Variants in CPVL observed in about 807,000 individuals in gnomAD.
The protein encoded by CPVL is probable serine carboxypeptidase CPVL.
In CPVL, 51 loss-of-function variants were observed where a neutral mutation model predicts 63.7. The observed-to-expected ratio is 0.80, with a 90% CI of 0.64 to 1.01. CPVL has a LOEUF of 1.01. Ranked by LOEUF, CPVL falls within the 50% of genes least tolerant of loss-of-function variation. The probability of loss-of-function intolerance (pLI) is 0.00; values close to 1 mark genes in which losing one functional copy is unlikely to be tolerated. For missense variants in CPVL, 530 were observed against 573.1 expected (o/e 0.92, Z 0.77); for synonymous variants, 195 against 206.0 (o/e 0.95, Z 0.46).
intron 4 of CPVL, among the ~76,000 whole-genome samples, chr7:29,184,257 A>G (rs1196171196): frequency 6.6e-6 from 1 of 150,788 alleles, no homozygotes; most frequent in East Asian, 1.9e-4. Flanking sequence ...ATCTATATAT[A>G]AGATATATAG....
At chr7:29,109,256 G>A (rs1788019942) in intron 3 of CPVL, among the ~76,000 whole-genome samples, 1 of 152,128 alleles carries the variant, frequency 6.6e-6, no homozygotes, top group Non-Finnish European at 1.5e-5. Flanking sequence ...GCACTGATTT[G>A]TATACAATAA....
At chr7:29,044,096 A>G (rs1789389246) in intron 11 of CPVL, among the ~76,000 whole-genome samples, 1 of 152,088 alleles carries the variant, frequency 6.6e-6, no homozygotes, top group African/African-American at 2.4e-5. Flanking sequence ...TACAGACCAA[A>G]TCAGCCCCCT....
At chr7:29,051,197 A>C (rs1247912251) in intron 11 of CPVL, among the ~76,000 whole-genome samples, 1 of 152,228 alleles carries the variant, frequency 6.6e-6, no homozygotes, top group Admixed American at 6.5e-5. Flanking sequence ...CTTAGGCAAG[A>C]TTTAGTGACC....
At chr7:29,146,972 C>T (rs117747283), upstream of CPVL, 13,497 of 1,550,904 alleles carry the variant, frequency 8.7e-3, 79 homozygotes, top group Non-Finnish European at 0.011. Context: ...TAAGCTCGCA[C>T]CAAGTGCCAC....
chr7:29,057,330 T>C (rs1790841240), intron 11 of CPVL, among the ~76,000 whole-genome samples: 1 of 152,194 alleles, frequency 6.6e-6, no homozygotes, highest in Non-Finnish European at 1.5e-5. Flanking sequence ...TTCCCATTTC[T>C]AAATTGGGTT....
intron 1 of CPVL, chr7:29,145,799 G>A (rs1209323706): frequency 1.3e-5 from 2 of 152,126 alleles, no homozygotes; most frequent in African/African-American, 4.8e-5. Context: ...GGCCAGAACT[G>A]GGATTTAAAT....
rs867474511 is a variant in CPVL at position 29,000,699 on chromosome 7, G to T, written c.1321-4817C>A. ...CCTATCGGGCTTTAAAAGCAACTGT[G>T]GTAAAATACACTTAACATAAAATTA... On this transcript the variant is annotated intron_variant, in intron 12 of 12. Coordinates refer to ENST00000265394, the MANE Select transcript of CPVL (RefSeq NM_031311.5). 5.4e-3 allele frequency among the ~76,000 whole-genome samples: 825 copies of T among 152,076 alleles called. 6 individuals carry two copies. The highest frequency in any genetic ancestry group is 0.019 in the African/African-American group (780 of 41,474).
At chr7:29,090,951 T>G (rs1365688509) in intron 6 of CPVL, among the ~76,000 whole-genome samples, 2 of 152,180 alleles carry the variant, frequency 1.3e-5, no homozygotes, top group Non-Finnish European at 2.9e-5. Flanking sequence ...GTAGCCCATT[T>G]GCAGGTTTTG....
At chr7:29,175,697 A>G (rs1408405137) in intron 5 of CPVL, among the ~76,000 whole-genome samples, 2 of 152,154 alleles carry the variant, frequency 1.3e-5, no homozygotes, top group Non-Finnish European at 2.9e-5. Flanking sequence ...ATTGATTGAT[A>G]GCCAACGGGA....
intron 11 of CPVL, among the ~76,000 whole-genome samples, chr7:29,050,400 T>C (rs997602691): frequency 9.0e-5 from 7 of 77,798 alleles, no homozygotes; most frequent in Non-Finnish European, 1.3e-4. Context: ...CCTTTTACGA[T>C]AGCTGCAAAA....
chr7:29,075,956 G>GT (rs1554335832), intron 7 of CPVL, among the ~76,000 whole-genome samples: 5,712 of 110,268 alleles, frequency 0.052, 675 homozygotes, highest in African/African-American at 0.19. Flanking sequence ...TGTTGAGATA[G>GT]TTTTTTTTTT....
At chr7:29,065,500 T>G (rs1407500732) in intron 10 of CPVL, among the ~76,000 whole-genome samples, 1 of 152,176 alleles carries the variant, frequency 6.6e-6, no homozygotes, top group Non-Finnish European at 1.5e-5. Flanking sequence ...CCTACTTTTA[T>G]GAAACAAACT....
At chr7:29,062,037 A>C (rs1252442406) in intron 11 of CPVL, among the ~76,000 whole-genome samples, 1 of 152,164 alleles carries the variant, frequency 6.6e-6, no homozygotes, top group Non-Finnish European at 1.5e-5. Flanking sequence ...CTCTCAAAAA[A>C]ATTCACTCGT....
chr7:29,045,347 T>C (rs997440284), intron 11 of CPVL, among the ~76,000 whole-genome samples: 1 of 152,316 alleles, frequency 6.6e-6, no homozygotes, highest in African/African-American at 2.4e-5. Context: ...ACAGATAAAA[T>C]GAACTCACAA....
upstream of CPVL, chr7:29,147,095 A>G (rs1316635082): frequency 8.1e-7 from 1 of 1,235,278 alleles, no homozygotes; most frequent in South Asian, 1.5e-5. Flanking sequence ...AGTGAGGTTA[A>G]GTAACCCATC....
intron 11 of CPVL, among the ~76,000 whole-genome samples, chr7:29,034,260 A>T (rs1788305537): frequency 6.6e-6 from 1 of 151,978 alleles, no homozygotes; most frequent in African/African-American, 2.4e-5. Context: ...GCATGCCACT[A>T]CACCCAGCTA....
rs779839261 is a variant in CPVL, at chr7:29,092,615, C to A, written c.542+8G>T. 2 of 1,601,162 alleles carry A rather than the reference C, an allele frequency of 1.2e-6. No individual in the cohort carries two copies. The highest frequency in any genetic ancestry group is 2.2e-5 in the South Asian group (2 of 90,808). ...TAGGAAAGCCAAGAGAAAGCAGGAGCATTTTACCTGTATAAATCCCGTGCT... is the reference window on the plus strand; with the variant it reads ...TAGGAAAGCCAAGAGAAAGCAGGAGAATTTTACCTGTATAAATCCCGTGCT... On this transcript the variant is annotated splice_region_variant and intron_variant, in intron 6 of 12. Transcript: ENST00000265394.
intron 11 of CPVL, among the ~76,000 whole-genome samples, chr7:29,058,208 G>T (rs1016196165): frequency 6.6e-6 from 1 of 152,004 alleles, no homozygotes; most frequent in Non-Finnish European, 1.5e-5. Context: ...TCAGAGTTTT[G>T]CAGTTTTCCT....
chr7:29,069,771 TGTGTGTGTG>T (rs1407199507), intron 9 of CPVL, among the ~76,000 whole-genome samples: 6 of 516 alleles, frequency 0.012, no homozygotes, highest in Non-Finnish European at 0.041. Flanking sequence ...CACCAGTAAA[TGTGTGTGTG>T]TGTGTGTGTG....
Sources: allele counts gnomAD v4.1 joint callset (sites outside exome capture counted in the v4.1 genomes callset), GRCh38; gene constraint gnomAD v4.1.1; transcripts MANE v1.5; gene names NCBI Gene and HGNC (gene_info 2026-07-23, HGNC 2026-07-21).